Variants in FKBP7 observed in about 807,000 individuals in gnomAD.
FKBP7 encodes the protein FKBP prolyl isomerase 7, also known as peptidyl-prolyl cis-trans isomerase FKBP7.
In FKBP7, 24 loss-of-function variants were observed where a neutral mutation model predicts 24.3. The ratio of observed to expected loss-of-function variants is 0.99; its 90% CI spans 0.72 to 1.39. The LOEUF (loss-of-function observed/expected upper bound fraction) is 1.39, where lower values mean the gene tolerates loss of function less well. Among genes scored for constraint, FKBP7 ranks in the 40% most tolerant of loss-of-function variants. The pLI, the probability that FKBP7 is intolerant of heterozygous loss-of-function variation, is 0.00. For synonymous variants in FKBP7, 98 were observed against 92.8 expected, an observed-to-expected ratio of 1.06 and a Z score of -0.32; for missense variants, 257 against 269.5, an observed-to-expected ratio of 0.95 and a Z score of 0.33.
Position 178,477,164 on chromosome 2 carries a change from GC to G in FKBP7, c.270del (p.Gln91LysfsTer3). ...GHPKWFVLGV[G>X]QVIKGLDIAM... is the part of the protein sequence containing the mutation. ...GCAATGTCTAGGCCTTTTATGACTT[GC>G]CCAACACCAAGAACAAACCATTTGG... is the stretch of plus-strand genomic sequence containing the variant. On this transcript the variant is annotated frameshift_variant, in exon 2 of 4. Coordinates refer to ENST00000424785, the MANE Select transcript of FKBP7 (RefSeq NM_181342.3). LOFTEE classifies it high-confidence loss of function. The G allele has an allele frequency of 1.2e-6, 2 of 1,612,800 alleles. No homozygotes were observed. The highest frequency in any genetic ancestry group is 1.7e-6 in the Non-Finnish European group (2 of 1,179,520).
chr2:178,472,781 G>A (rs1033350390), intron 2 of FKBP7, among the ~76,000 whole-genome samples: 1 of 142,890 alleles, frequency 7.0e-6, no homozygotes, highest in Non-Finnish European at 1.5e-5. Context: ...CCGGGAGGCA[G>A]AGGCTGCAGT....
chr2:178,465,620 A>G lies in FKBP7; in HGVS notation c.*150T>C. ...CAAGTTAAGTTTGCAAAACAGCCTC[A>G]CATTTATTATACCAAAATCAATGTA... On this transcript the variant is annotated 3_prime_UTR_variant, in exon 4 of 4. Coordinates refer to ENST00000424785, the MANE Select transcript of FKBP7 (RefSeq NM_181342.3). The G allele has an allele frequency of 1.6e-6, 1 of 627,388 alleles. No homozygotes were observed. The highest frequency in any genetic ancestry group is 2.4e-6 in the Non-Finnish European group (1 of 418,584). 38.9% of individuals were successfully genotyped at this position (627,388 alleles called of 1,614,324 possible). A position where few individuals can be genotyped will look rare whatever the true frequency, so the allele number is the denominator to read the frequency against.
chr2:178,471,286 T>C (rs529732287), intron 2 of FKBP7, among the ~76,000 whole-genome samples: 8 of 151,980 alleles, frequency 5.3e-5, no homozygotes, highest in Non-Finnish European at 1.0e-4. Flanking sequence ...CTCGGCTCAC[T>C]GTAACCTCTG....
chr2:178,469,558 G>T, intron 3 of FKBP7, 94 bp downstream of exon 3: 1 of 1,312,716 alleles, frequency 7.6e-7, no homozygotes, highest in South Asian at 1.2e-5. Context: ...CAGAGCCCAT[G>T]CTAGCTAGAC....
In FKBP7 at chr2:178,477,179, C is replaced by G; in HGVS notation, c.256G>C (p.Val86Leu). The G allele has an allele frequency of 6.2e-7, 1 of 1,612,772 alleles. No individual in the cohort carries two copies. The highest frequency in any genetic ancestry group is 8.5e-7 in the Non-Finnish European group (1 of 1,179,642). Residue 86 changes from valine to leucine, a missense_variant, in exon 2 of 4, where the codon GTT (valine) becomes CTT (leucine). Coordinates refer to ENST00000424785, the MANE Select transcript of FKBP7 (RefSeq NM_181342.3). ...TQNEGHPKWFVLGVGQVIKGL... is the reference protein window; with the variant it reads ...TQNEGHPKWFLLGVGQVIKGL... The stretch of plus-strand genomic sequence containing the variant: ...TTTATGACTTGCCCAACACCAAGAA[C>G]AAACCATTTGGGGTGGCCTTCATTT...
At chr2:178,476,363 C>T (rs1685000191) in intron 2 of FKBP7, among the ~76,000 whole-genome samples, 1 of 152,084 alleles carries the variant, frequency 6.6e-6, no homozygotes, top group African/African-American at 2.4e-5. Flanking sequence ...TGGTAAAATA[C>T]ACATAACATA....
rs1480082548 is a variant in FKBP7, at chr2:178,465,883, C to G, written c.556G>C (p.Asp186His). 3 of 1,608,118 alleles carry G rather than the reference C, an allele frequency of 1.9e-6. No individual in the cohort carries two copies. The South Asian group carries it at 3.4e-5, about 18-fold the overall frequency. ...REFEKDEKPR[D>H]KSYQDAVLED... Reference sequence around the variant, plus strand: ...AAAACTGCATCCTGATATGACTTGTCACGTGGCTTCTCATCTTTTTCAAAT... The same window carrying G: ...AAAACTGCATCCTGATATGACTTGTGACGTGGCTTCTCATCTTTTTCAAAT... The change falls in exon 4 of 4, where the codon GAC becomes CAC. Residue 186 changes from aspartate to histidine, a missense_variant. Coordinates refer to ENST00000424785, the MANE Select transcript of FKBP7 (RefSeq NM_181342.3).
In FKBP7 at chr2:178,464,064, T is replaced by G. The variant is rs1186466954; in HGVS notation, c.*1706A>C. The G allele has an allele frequency of 6.6e-6, 1 of 152,242 alleles. No homozygotes were observed. Among genetic ancestry groups the G allele is most frequent in the African/African-American group, 2.4e-5 (1 of 41,472 alleles). The allele number at this position is 152,242 out of a possible 1,614,324, so 9.4% of individuals were successfully genotyped here. A position where few individuals can be genotyped will look rare whatever the true frequency, so the allele number is the denominator to read the frequency against. ...TTGTTTTATAAGGTGTCAAATTATG[T>G]GCTAGCCATATGTATTATTTACTAA... On this transcript the variant is annotated 3_prime_UTR_variant, in exon 4 of 4. Transcript: ENST00000424785.
chr2:178,473,702 A>G (rs2154127029), intron 2 of FKBP7, among the ~76,000 whole-genome samples: 1 of 152,374 alleles, frequency 6.6e-6, no homozygotes, highest in Middle Eastern at 3.4e-3. Flanking sequence ...AACGCAAGAC[A>G]GAAAGGAAAA....
chr2:178,468,529 C>T (rs897188764), intron 3 of FKBP7, among the ~76,000 whole-genome samples: 4 of 151,454 alleles, frequency 2.6e-5, no homozygotes, highest in African/African-American at 4.9e-5. Flanking sequence ...TGGCATGCTG[C>T]GGGGATCGCT....
In FKBP7 at chr2:178,465,926, G is replaced by T; in HGVS notation, c.513C>A (p.Asn171Lys). The T allele has an allele frequency of 6.3e-7, 1 of 1,593,930 alleles. No homozygotes were observed. The highest frequency in any genetic ancestry group is 1.7e-4 in the Middle Eastern group (1 of 5,948). ...TTTCAAATTCCCTTTGCAAGTAGAG[G>T]TTTATCTGGAAGGCCAAAATAACAT... ...NDRQLSKAEI[N>K]LYLQREFEKD... The change falls in exon 4 of 4, where the codon AAC becomes AAA. Residue 171 changes from asparagine (N) to lysine (K), a missense_variant. Physicochemically the swap from Asn to Lys is moderately conservative, Grantham distance 94. Coordinates refer to ENST00000424785, the MANE Select transcript of FKBP7 (RefSeq NM_181342.3).
At chr2:178,470,176 A>G (rs1270644221) in intron 2 of FKBP7, among the ~76,000 whole-genome samples, 1 of 152,214 alleles carries the variant, frequency 6.6e-6, no homozygotes, top group African/African-American at 2.4e-5. Flanking sequence ...GCTTGAAAAT[A>G]TTCATACAAA....
chr2:178,473,030 G>A (rs747704511), intron 2 of FKBP7: 68 of 1,263,292 alleles, frequency 5.4e-5, no homozygotes, highest in Middle Eastern at 2.2e-4. Flanking sequence ...TATACATACC[G>A]CATGTATTGT....
intron 2 of FKBP7, among the ~76,000 whole-genome samples, chr2:178,474,406 C>T (rs1031213146): frequency 1.1e-4 from 17 of 152,134 alleles, no homozygotes; most frequent in African/African-American, 4.1e-4. Context: ...TAATACATGC[C>T]TTATAAAACT....
At chr2:178,470,457 T>C (rs1684818117) in intron 2 of FKBP7, among the ~76,000 whole-genome samples, 1 of 152,180 alleles carries the variant, frequency 6.6e-6, no homozygotes, top group African/African-American at 2.4e-5. Context: ...GAGACAACTG[T>C]ACTCTCCTAT....
chr2:178,478,489 G>C lies in FKBP7; in HGVS notation c.11C>G (p.Thr4Ser). The C allele has an allele frequency of 6.2e-7, 1 of 1,614,020 alleles. No homozygotes were observed. The change falls in exon 1 of 4, where the codon ACC (threonine) becomes AGC (serine). Residue 4 changes from threonine (T) to serine (S), a missense_variant. By Grantham distance (58) the Thr-to-Ser change is moderately conservative. Coordinates refer to ENST00000424785, the MANE Select transcript of FKBP7 (RefSeq NM_181342.3). MPK[T>S]MHFLFRFIVF... ...AATGAATCTGAATAAGAAATGCATG[G>C]TTTTTGGCATCGGCTCCAGCAGAAC...
At chr2:178,475,525 C>T (rs574776865) in intron 2 of FKBP7, among the ~76,000 whole-genome samples, 35 of 152,280 alleles carry the variant, frequency 2.3e-4, no homozygotes, top group Non-Finnish European at 4.0e-4. Flanking sequence ...CCACCACACC[C>T]GGGCCTGCAT....
chr2:178,473,978 A>T (rs1449079411), intron 2 of FKBP7, among the ~76,000 whole-genome samples: 5 of 152,186 alleles, frequency 3.3e-5, no homozygotes, highest in African/African-American at 7.2e-5. Context: ...TTGTCTCTTT[A>T]GGAGTTTTAA....
intron 3 of FKBP7, among the ~76,000 whole-genome samples, chr2:178,468,184 G>GT (rs1469039256): frequency 6.6e-6 from 1 of 152,204 alleles, no homozygotes; most frequent in East Asian, 1.9e-4. Flanking sequence ...ATGTGGTAGA[G>GT]TTACACATTT....
Sources: allele counts gnomAD v4.1 joint callset (sites outside exome capture counted in the v4.1 genomes callset), GRCh38; gene constraint gnomAD v4.1.1; transcripts MANE v1.5; gene names NCBI Gene and HGNC (gene_info 2026-07-23, HGNC 2026-07-21).